GLIS3: variants seen among roughly 807,000 people sequenced by gnomAD.
GLIS3 encodes the protein zinc finger protein GLIS3.
GLIS3 carries 53 observed loss-of-function variants against 78.6 expected under a neutral mutation model. The ratio of observed to expected loss-of-function variants is 0.67; its 90% CI spans 0.54 to 0.85. The LOEUF is 0.85. GLIS3 is among the 40% of genes least tolerant of loss of function. GLIS3 has a pLI of 0.00. For missense variants in GLIS3, 1,703 were observed against 1,231.1 expected (o/e 1.38, Z -5.74); for synonymous variants, 684 against 509.9 (o/e 1.34, Z -4.60).
At chr9:4,246,696 C>T (rs1823834884) in intron 2 of GLIS3, among the ~76,000 whole-genome samples, 1 of 152,190 alleles carries the variant, frequency 6.6e-6, no homozygotes, top group Non-Finnish European at 1.5e-5. Context: ...TATGTAAGAG[C>T]TGGTCTCATC....
At chr9:4,037,457 A>G (rs1824414001) in intron 4 of GLIS3, among the ~76,000 whole-genome samples, 1 of 152,274 alleles carries the variant, frequency 6.6e-6, no homozygotes, top group Middle Eastern at 3.4e-3. Context: ...AATAAATGTT[A>G]TACACATGTT....
At chr9:4,373,670 CT>C in the GLIS3 span, among the ~76,000 whole-genome samples, 2,251 of 139,674 alleles carry the variant, frequency 0.016, 21 homozygotes, top group African/African-American at 0.03. Flanking sequence ...ATTTTCTTTT[CT>C]TTTTTTTTTT....
chr9:4,450,049 C>T, the GLIS3 span, among the ~76,000 whole-genome samples: 4 of 152,024 alleles, frequency 2.6e-5, no homozygotes, highest in Admixed American at 6.6e-5. Context: ...CAAACTTCTC[C>T]AAGCTAAAGA....
At chr9:3,951,923 G>A (rs1162874880) in intron 4 of GLIS3, among the ~76,000 whole-genome samples, 2 of 150,272 alleles carry the variant, frequency 1.3e-5, no homozygotes, top group Non-Finnish European at 3.0e-5. Flanking sequence ...GATGATTTGA[G>A]GTTAGCTGAA....
chr9:4,160,382 C>A (rs1411234002), intron 2 of GLIS3, among the ~76,000 whole-genome samples: 1 of 152,204 alleles, frequency 6.6e-6, no homozygotes, highest in Non-Finnish European at 1.5e-5. Flanking sequence ...CGGGTTTATG[C>A]AAACCAGTAA....
rs1816932151 is a variant in GLIS3 at position 4,299,533 on chromosome 9, G to C, written c.-211C>G. 1 of 152,602 alleles carries C rather than the reference G, an allele frequency of 6.6e-6. No homozygotes were observed. The highest frequency in any genetic ancestry group is 6.5e-5 in the Admixed American group (1 of 15,288). 9.5% of individuals were successfully genotyped at this position (152,602 alleles called of 1,614,324 possible). ...TGGCGAGGAGTAACTTGGGGCTCCA[G>C]CCCTTCAGAGCGCTCCGCGGGCTGT... On this transcript the variant is annotated 5_prime_UTR_variant, in exon 1 of 11. Transcript: ENST00000381971.
rs138962244 is a variant in GLIS3, at chr9:4,144,116, G to A, written c.389-18175C>T. On this transcript the variant is annotated intron_variant, in intron 2 of 10. Coordinates refer to ENST00000381971, the MANE Select transcript of GLIS3 (RefSeq NM_001042413.2). ...CTGTTATTGGACCTCAGGGGAGAAG[G>A]CAAGGGAACAAAGATCGAGAAACCT... Among the ~76,000 whole-genome samples, 351 of 152,276 alleles carry A rather than the reference G, an allele frequency of 2.3e-3. 1 individual carries two copies. The highest frequency in any genetic ancestry group is 4.2e-3 in the Admixed American group (64 of 15,296).
chr9:4,397,431 A>T, the GLIS3 span, among the ~76,000 whole-genome samples: 1 of 151,648 alleles, frequency 6.6e-6, no homozygotes, highest in East Asian at 1.9e-4. Context: ...TCAATTACTG[A>T]TTTTGATAGC....
intron 7 of GLIS3, among the ~76,000 whole-genome samples, chr9:3,884,692 C>A (rs1461773285): frequency 6.6e-6 from 1 of 152,062 alleles, no homozygotes; most frequent in Non-Finnish European, 1.5e-5. Context: ...TAAACATTTC[C>A]CCAGTTTGCT....
chr9:4,387,442 G>A, the GLIS3 span, among the ~76,000 whole-genome samples: 1 of 152,084 alleles, frequency 6.6e-6, no homozygotes, highest in Non-Finnish European at 1.5e-5. Flanking sequence ...GTGTCCTCAC[G>A]GTTGCACATT....
intron 4 of GLIS3, among the ~76,000 whole-genome samples, chr9:3,971,012 A>G (rs1818335410): frequency 6.6e-6 from 1 of 151,722 alleles, no homozygotes; most frequent in South Asian, 2.1e-4. Flanking sequence ...GGAGAGAAGG[A>G]AGGAAGGGAG....
chr9:4,211,344 C>T (rs1820354659), intron 2 of GLIS3, among the ~76,000 whole-genome samples: 1 of 152,208 alleles, frequency 6.6e-6, no homozygotes, highest in South Asian at 2.1e-4. Flanking sequence ...TTCCAGCAGG[C>T]TCCTAAGACA....
chr9:4,222,508 C>A (rs1408308661), intron 2 of GLIS3, among the ~76,000 whole-genome samples: 2 of 152,202 alleles, frequency 1.3e-5, no homozygotes, highest in Admixed American at 1.3e-4. Context: ...ACACTCACCA[C>A]CTACAATAAA....
chr9:3,994,124 A>G (rs1288840731), intron 4 of GLIS3, among the ~76,000 whole-genome samples: 1 of 152,176 alleles, frequency 6.6e-6, no homozygotes, highest in Non-Finnish European at 1.5e-5. Flanking sequence ...CACTTTGAGA[A>G]CTGCTGTTCC....
intron 4 of GLIS3, among the ~76,000 whole-genome samples, chr9:4,099,440 C>A (rs1187928464): frequency 6.9e-6 from 1 of 145,786 alleles, no homozygotes; most frequent in African/African-American, 2.6e-5. Flanking sequence ...TGTCTTTGCA[C>A]ATCACCTTCC....
chr9:4,279,634 T>C (rs1827371161), intron 2 of GLIS3, among the ~76,000 whole-genome samples: 1 of 152,090 alleles, frequency 6.6e-6, no homozygotes. Flanking sequence ...TATTTTTTAC[T>C]GTCTGTGGTT....
At chr9:4,243,402 A>G (rs1219262992) in intron 2 of GLIS3, among the ~76,000 whole-genome samples, 8 of 152,046 alleles carry the variant, frequency 5.3e-5, no homozygotes, top group Non-Finnish European at 1.2e-4. Flanking sequence ...ATACACGCAC[A>G]CACACACACA....
At position 4,028,211 on chromosome 9, in the gene GLIS3, T is replaced by C. The variant is rs141029331; in HGVS notation, c.1710+89557A>G. 1.7e-3 allele frequency among the ~76,000 whole-genome samples: 265 copies of C among 152,314 alleles called. 1 individual carries two copies. The highest frequency in any genetic ancestry group is 6.2e-3 in the African/African-American group (259 of 41,576). On this transcript the variant is annotated intron_variant, in intron 4 of 10. Transcript: ENST00000381971. ...TATAGGAGCCTACGTATCTTAAATTTTCTGGGCCTCAGTTTCTCCATCTGC... is the reference window on the plus strand; with the variant it reads ...TATAGGAGCCTACGTATCTTAAATTCTCTGGGCCTCAGTTTCTCCATCTGC...
chr9:4,488,771 G>A, the GLIS3 span, among the ~76,000 whole-genome samples: 3 of 152,150 alleles, frequency 2.0e-5, no homozygotes, highest in African/African-American at 7.2e-5. Flanking sequence ...GCCTGCCTTG[G>A]CCTCCCAAAT....
Sources: allele counts gnomAD v4.1 joint callset (sites outside exome capture counted in the v4.1 genomes callset), GRCh38; gene constraint gnomAD v4.1.1; transcripts MANE v1.5; gene names NCBI Gene and HGNC (gene_info 2026-07-23, HGNC 2026-07-21).